CD59: variants seen among roughly 807,000 people sequenced by gnomAD.
CD59 encodes the protein CD59 glycoprotein.
A neutral mutation model predicts 7.0 loss-of-function variants in CD59; 3 were observed. That is an observed-to-expected ratio of 0.43 (90% CI 0.19 to 1.10). The LOEUF (loss-of-function observed/expected upper bound fraction) is 1.10. Ranked by LOEUF, CD59 falls within the 50% of genes least tolerant of loss-of-function variation. The pLI is 0.29. For missense variants in CD59, 143 were observed against 151.0 expected, an observed-to-expected ratio of 0.95 and a Z score of 0.28; for synonymous variants, 60 against 62.0, an observed-to-expected ratio of 0.97 and a Z score of 0.15.
Position 33,708,149 on chromosome 11 carries a change from G to A in CD59, c.*1977C>T, listed in dbSNP as rs181537191. ...ATAAATGTCTTTACATTACAGTATT[G>A]CCTTTGGGTCCAGGCACTCAACCTT... On this transcript the variant is annotated 3_prime_UTR_variant, in exon 4 of 4. Transcript: ENST00000642928. 6.6e-6 allele frequency: 1 copy of A among 152,254 alleles called. No homozygotes were observed. The highest frequency in any genetic ancestry group is 1.9e-4 in the East Asian group (1 of 5,188). 9.4% of individuals were successfully genotyped at this position (152,254 alleles called of 1,614,324 possible).
At chr11:33,711,886 T>A (rs775883297) in intron 3 of CD59, among the ~76,000 whole-genome samples, 82 of 152,162 alleles carry the variant, frequency 5.4e-4, no homozygotes, top group Non-Finnish European at 1.0e-3. Context: ...TGGAAAAAAT[T>A]GGAACCCTCA....
At chr11:33,721,120 A>C (rs1854040515) in intron 2 of CD59, among the ~76,000 whole-genome samples, 2 of 152,224 alleles carry the variant, frequency 1.3e-5, no homozygotes, top group Admixed American at 1.3e-4. Context: ...AAAATGAATA[A>C]ATAAAAAATA....
chr11:33,724,246 C>G (rs1292284237), intron 1 of CD59, among the ~76,000 whole-genome samples: 1 of 152,376 alleles, frequency 6.6e-6, no homozygotes, highest in Non-Finnish European at 1.5e-5. Context: ...GGACACTTCC[C>G]TTGGAATGGT....
At chr11:33,722,885 G>A in intron 1 of CD59, 13 of 1,003,460 alleles carry the variant, frequency 1.3e-5, no homozygotes, top group Non-Finnish European at 1.6e-5. Flanking sequence ...CATGCATTCA[G>A]CAGTGGAACA....
At chr11:33,715,007 G>A (rs1225323432) in intron 3 of CD59, among the ~76,000 whole-genome samples, 2 of 148,812 alleles carry the variant, frequency 1.3e-5, no homozygotes, top group African/African-American at 2.5e-5. Flanking sequence ...ACAATGGCAC[G>A]ACCTTGGCTC....
chr11:33,729,156 G>GTA (rs1332396700), intron 1 of CD59, among the ~76,000 whole-genome samples: 1 of 152,148 alleles, frequency 6.6e-6, no homozygotes, highest in Non-Finnish European at 1.5e-5. Context: ...CCATTACTGG[G>GTA]TATATATCCA....
chr11:33,713,551 T>G (rs184820301), intron 3 of CD59, among the ~76,000 whole-genome samples: 1 of 152,318 alleles, frequency 6.6e-6, no homozygotes, highest in East Asian at 1.9e-4. Context: ...TGCTGAAGTC[T>G]TAACTAAATA....
At chr11:33,714,142 G>T (rs1187430638) in intron 3 of CD59, among the ~76,000 whole-genome samples, 1 of 152,192 alleles carries the variant, frequency 6.6e-6, no homozygotes, top group African/African-American at 2.4e-5. Flanking sequence ...CTCTCTTCTA[G>T]ACTTACTTTG....
chr11:33,711,530 T>C, intron 3 of CD59: 1 of 632,548 alleles, frequency 1.6e-6, no homozygotes, highest in South Asian at 1.8e-5. Context: ...AATAAAAAAA[T>C]TAGCCAGGCA....
rs376467600 is a variant in CD59 at position 33,717,359 on chromosome 11, G to A, written c.169+11C>T. ...CATTACATTTAGGAGACAGACAGGGGAGGCTCTTACCAGCTTTGGTAATGA... is the reference window on the plus strand; with the variant it reads ...CATTACATTTAGGAGACAGACAGGGAAGGCTCTTACCAGCTTTGGTAATGA... On this transcript the variant is annotated intron_variant, in intron 3 of 3. Transcript: ENST00000642928. 1 of 1,571,514 alleles carries A rather than the reference G, an allele frequency of 6.4e-7. No individual in the cohort carries two copies. Among genetic ancestry groups the A allele is most frequent in the African/African-American group, 1.4e-5 (1 of 73,992 alleles).
intron 3 of CD59, among the ~76,000 whole-genome samples, chr11:33,712,093 T>G (rs566887056): frequency 1.2e-4 from 19 of 152,360 alleles, no homozygotes; most frequent in Middle Eastern, 3.4e-3. Flanking sequence ...CGTTTATGTT[T>G]CTATTGAGTT....
At chr11:33,734,145 C>T (rs2133578208) in intron 1 of CD59, among the ~76,000 whole-genome samples, 1 of 152,346 alleles carries the variant, frequency 6.6e-6, no homozygotes. Context: ...TACACAATAC[C>T]TGCTCTAGCC....
intron 3 of CD59, among the ~76,000 whole-genome samples, chr11:33,714,930 G>A (rs1341902534): frequency 6.7e-6 from 1 of 149,774 alleles, no homozygotes. Context: ...CCTGCCTGCT[G>A]AGGCTGTTTT....
At chr11:33,733,822 G>A (rs1854486726) in intron 1 of CD59, among the ~76,000 whole-genome samples, 1 of 152,168 alleles carries the variant, frequency 6.6e-6, no homozygotes, top group Non-Finnish European at 1.5e-5. Flanking sequence ...GACATCAGTG[G>A]TGTTTCCACA....
At chr11:33,735,693 G>A (rs959002363) in intron 1 of CD59, among the ~76,000 whole-genome samples, 2 of 152,218 alleles carry the variant, frequency 1.3e-5, no homozygotes, top group East Asian at 1.9e-4. Context: ...GGAGGCGGGC[G>A]GATCACGAGG....
At chr11:33,726,213 T>C (rs1407126268) in intron 1 of CD59, among the ~76,000 whole-genome samples, 2 of 152,116 alleles carry the variant, frequency 1.3e-5, no homozygotes, top group Non-Finnish European at 2.9e-5. Flanking sequence ...CCATCCCAAA[T>C]CAACAGAATA....
At chr11:33,725,350 A>C (rs1302253596) in intron 1 of CD59, among the ~76,000 whole-genome samples, 1 of 151,970 alleles carries the variant, frequency 6.6e-6, no homozygotes, top group Non-Finnish European at 1.5e-5. Flanking sequence ...AATGAACCAA[A>C]AGTGTTGCCA....
chr11:33,712,694 TAGAC>T (rs1246791420), intron 3 of CD59, among the ~76,000 whole-genome samples: 1 of 152,220 alleles, frequency 6.6e-6, no homozygotes, highest in Admixed American at 6.5e-5. Context: ...ATCCTGGAAT[TAGAC>T]AGTTGCGATA....
At chr11:33,735,669 A>T (rs1854546908) in intron 1 of CD59, among the ~76,000 whole-genome samples, 1 of 152,072 alleles carries the variant, frequency 6.6e-6, no homozygotes, top group Admixed American at 6.5e-5. Context: ...TGTAATCCCA[A>T]CACTTTGGGA....
Sources: gnomAD v4.1 joint callset for allele counts (sites outside exome capture counted in the v4.1 genomes callset) on GRCh38, gnomAD v4.1.1 for gene constraint, MANE v1.5 for transcripts, NCBI Gene and HGNC (gene_info 2026-07-23, HGNC 2026-07-21) for gene names.